The following SERP2 variants were observed in gnomAD, a reference collection of about 807,000 sequenced individuals.
SERP2 encodes stress associated endoplasmic reticulum protein family member 2.
A neutral mutation model predicts 9.1 loss-of-function variants in SERP2; 6 were observed. The observed-to-expected ratio is 0.66, with a 90% CI of 0.36 to 1.30. The LOEUF (loss-of-function observed/expected upper bound fraction) is 1.30, where lower values mean the gene tolerates loss of function less well. Among genes scored for constraint, SERP2 ranks in the 50% most tolerant of loss-of-function variants. SERP2 has a pLI of 0.03. For synonymous variants in SERP2, 37 were observed against 27.3 expected (o/e 1.35, Z -1.10); for missense variants, 58 against 81.9 (o/e 0.71, Z 1.13).
rs1555259405 is a variant in SERP2, at chr13:44,386,450, C to CTTAG, written c.157+6738_157+6741dup. 4.6e-5 allele frequency among the ~76,000 whole-genome samples: 7 copies of CTTAG among 152,346 alleles called. No individual in the cohort carries two copies. The South Asian group carries it at 1.4e-3, about 32-fold the overall frequency. ...CCAGGCTGGAGTGCATTGGCACCAT[C>CTTAG]TTAGCTCACTGCAGCCTCCACCTCC... On this transcript the variant is annotated intron_variant, in intron 2 of 2. Transcript: ENST00000379179.
At chr13:44,391,295 T>C (rs1004159502) in intron 2 of SERP2, among the ~76,000 whole-genome samples, 8 of 152,202 alleles carry the variant, frequency 5.3e-5, no homozygotes, top group African/African-American at 1.9e-4. Context: ...TTAGAGACAT[T>C]TGGATCTAAA....
At chr13:44,380,348 G>A (rs572410961) in intron 2 of SERP2, among the ~76,000 whole-genome samples, 74 of 152,188 alleles carry the variant, frequency 4.9e-4, no homozygotes, top group African/African-American at 1.7e-3. Flanking sequence ...TGTGAGTGGA[G>A]GTCACTTCTT....
At chr13:44,375,754 CAA>C (rs1382056913) in intron 1 of SERP2, among the ~76,000 whole-genome samples, 2 of 152,148 alleles carry the variant, frequency 1.3e-5, no homozygotes, top group Non-Finnish European at 2.9e-5. Flanking sequence ...AAGAAGAAAA[CAA>C]GAACTAATTT....
At chr13:44,379,524 C>T (rs1871841277) in intron 1 of SERP2, 117 bp from the exon 2 acceptor site, 1 of 669,614 alleles carries the variant, frequency 1.5e-6, no homozygotes, top group Non-Finnish European at 2.6e-6. Flanking sequence ...GGGATTGAAA[C>T]CAAGTCTGTC....
chr13:44,384,681 C>T (rs1293591265), intron 2 of SERP2, among the ~76,000 whole-genome samples: 1 of 152,208 alleles, frequency 6.6e-6, no homozygotes, highest in Non-Finnish European at 1.5e-5. Flanking sequence ...GAACAAGATA[C>T]ACCCCTATGC....
intron 2 of SERP2, chr13:44,395,898 G>A (rs1185827726): frequency 4.4e-6 from 2 of 451,340 alleles, no homozygotes; most frequent in Non-Finnish European, 8.9e-6. Context: ...CCCAAAAAAT[G>A]ATCAGAAGCA....
At position 44,397,262 on chromosome 13, in the gene SERP2, C is replaced by T; in HGVS notation, c.158-10C>T. The T allele has an allele frequency of 6.2e-7, 1 of 1,613,518 alleles. No homozygotes were observed. Among genetic ancestry groups the T allele is most frequent in the Non-Finnish European group, 8.5e-7 (1 of 1,179,490 alleles). On this transcript the variant is annotated splice_polypyrimidine_tract_variant and intron_variant, in intron 2 of 2. Coordinates refer to ENST00000379179, the MANE Select transcript of SERP2 (RefSeq NM_001010897.3). ...CTGGTGTCTGAGCTGTGGTGTTTTC[C>T]TCTTTTCAGCTATCTTTCAGATCAT...
chr13:44,383,276 G>A (rs1185262105), intron 2 of SERP2, among the ~76,000 whole-genome samples: 1 of 152,086 alleles, frequency 6.6e-6, no homozygotes, highest in East Asian at 1.9e-4. Context: ...AGCCTATAAG[G>A]GAAAAAGCCA....
chr13:44,374,178 G>A lies in SERP2; in HGVS notation c.84+69G>A. 2 of 872,230 alleles carry A rather than the reference G, an allele frequency of 2.3e-6. 1 individual carries two copies. The highest frequency in any genetic ancestry group is 3.2e-6 in the Non-Finnish European group (2 of 626,136). The allele number at this position is 872,230 out of a possible 1,614,324, so 54.0% of individuals were successfully genotyped here. A position where few individuals can be genotyped will look rare whatever the true frequency, so the allele number is the denominator to read the frequency against. On this transcript the variant is annotated intron_variant, in intron 1 of 2. Transcript: ENST00000379179. ...GCGGGGTGGGGCGGAAGGTGGGGGC[G>A]GGGCCGGGCGGGTAGCGGCGCAGGG...
intron 2 of SERP2, among the ~76,000 whole-genome samples, chr13:44,394,790 T>G (rs1323178707): frequency 6.6e-6 from 1 of 152,220 alleles, no homozygotes; most frequent in African/African-American, 2.4e-5. Flanking sequence ...CTGGTCTGCA[T>G]GCTGGGACAG....
chr13:44,396,755 T>A (rs749868079), intron 2 of SERP2, among the ~76,000 whole-genome samples: 3 of 151,172 alleles, frequency 2.0e-5, no homozygotes, highest in Non-Finnish European at 2.9e-5. Flanking sequence ...TTTCAGAGAG[T>A]TCCAAGCAGC....
chr13:44,378,981 A>C (rs1045542836), intron 1 of SERP2, among the ~76,000 whole-genome samples: 2 of 152,172 alleles, frequency 1.3e-5, no homozygotes, highest in Non-Finnish European at 2.9e-5. Flanking sequence ...CTTCACTCAT[A>C]ACCATTCACA....
chr13:44,378,253 C>G (rs1871772767), intron 1 of SERP2, among the ~76,000 whole-genome samples: 1 of 152,160 alleles, frequency 6.6e-6, no homozygotes, highest in Non-Finnish European at 1.5e-5. Flanking sequence ...AGGAAAGCAA[C>G]TACAGTGAAA....
chr13:44,381,246 A>C (rs1169344643), intron 2 of SERP2, among the ~76,000 whole-genome samples: 1 of 150,920 alleles, frequency 6.6e-6, no homozygotes, highest in Non-Finnish European at 1.5e-5. Context: ...CTCAAAAAAA[A>C]AAAAAAAAAA....
chr13:44,395,071 G>A (rs1206536651), intron 2 of SERP2, among the ~76,000 whole-genome samples: 3 of 152,182 alleles, frequency 2.0e-5, no homozygotes, highest in South Asian at 2.1e-4. Flanking sequence ...CAACTTGTTC[G>A]TCAGGATTAG....
At chr13:44,383,694 C>T (rs991829031) in intron 2 of SERP2, among the ~76,000 whole-genome samples, 14 of 151,392 alleles carry the variant, frequency 9.2e-5, no homozygotes, top group African/African-American at 2.4e-4. Context: ...ACTGCAAGCA[C>T]GCACCACCAT....
At chr13:44,382,842 T>A (rs1045261007) in intron 2 of SERP2, among the ~76,000 whole-genome samples, 3 of 152,094 alleles carry the variant, frequency 2.0e-5, no homozygotes, top group African/African-American at 7.2e-5. Context: ...CTTGCAGGCA[T>A]TGGGAGAGGC....
At chr13:44,382,373 C>T (rs1487110772) in intron 2 of SERP2, among the ~76,000 whole-genome samples, 1 of 133,592 alleles carries the variant, frequency 7.5e-6, no homozygotes, top group East Asian at 2.5e-4. Flanking sequence ...GGAGGTGGAG[C>T]TTGCAGTGAG....
intron 2 of SERP2, among the ~76,000 whole-genome samples, chr13:44,384,079 T>G (rs1175730332): frequency 1.3e-5 from 2 of 152,170 alleles, no homozygotes; most frequent in African/African-American, 4.8e-5. Flanking sequence ...GCAATTTTTT[T>G]GCAAGCCTCA....
Sources: gnomAD v4.1 joint callset for allele counts (sites outside exome capture counted in the v4.1 genomes callset) on GRCh38, gnomAD v4.1.1 for gene constraint, MANE v1.5 for transcripts, NCBI Gene and HGNC (gene_info 2026-07-23, HGNC 2026-07-21) for gene names.